Variants in CMTM7 observed in about 807,000 individuals in gnomAD.
CMTM7 encodes the protein CKLF like MARVEL transmembrane domain containing 7.
A neutral mutation model predicts 19.3 loss-of-function variants in CMTM7; 7 were observed. That is an observed-to-expected ratio of 0.36 (90% CI 0.21 to 0.68). CMTM7 has a LOEUF of 0.68. Among genes scored for constraint, CMTM7 ranks in the 30% least tolerant of loss-of-function variants. CMTM7 has a pLI of 0.60. For synonymous variants in CMTM7, 87 were observed against 99.3 expected, an observed-to-expected ratio of 0.88 and a Z score of 0.74; for missense variants, 193 against 232.6, an observed-to-expected ratio of 0.83 and a Z score of 1.11.
chr3:32,451,817 G>A, intron 3 of CMTM7: 1 of 333,556 alleles, frequency 3.0e-6, no homozygotes, highest in Non-Finnish European at 5.8e-6. Context: ...CTTGAGCGCT[G>A]GATGACCCTG....
intron 1 of CMTM7, among the ~76,000 whole-genome samples, chr3:32,430,703 G>GTGTGTGTGTGTGTGTC (rs937810270): frequency 2.7e-5 from 4 of 150,862 alleles, no homozygotes; most frequent in African/African-American, 9.8e-5. Flanking sequence ...GTGTGTGTGT[G>GTGTGTGTGTGTGTGTC]TGTGTGTGTG....
At chr3:32,415,213 T>A (rs11927858) in intron 1 of CMTM7, among the ~76,000 whole-genome samples, 4,549 of 151,762 alleles carry the variant, frequency 0.03, 239 homozygotes, top group African/African-American at 0.1. Context: ...ATAATAATAA[T>A]AATAAACTTT....
chr3:32,410,589 T>C (rs1696157041), intron 1 of CMTM7, among the ~76,000 whole-genome samples: 1 of 151,910 alleles, frequency 6.6e-6, no homozygotes. Flanking sequence ...GGGGCACATA[T>C]CTTCAAGCCT....
intron 4 of CMTM7, among the ~76,000 whole-genome samples, chr3:32,453,278 AAAAAT>A (rs992713795): frequency 6.6e-6 from 1 of 152,086 alleles, no homozygotes; most frequent in Admixed American, 6.5e-5. Flanking sequence ...CCGTCTCTTA[AAAAAT>A]AAAATAAAAT....
At chr3:32,405,312 A>C (rs1696076281) in intron 1 of CMTM7, among the ~76,000 whole-genome samples, 1 of 152,222 alleles carries the variant, frequency 6.6e-6, no homozygotes, top group Non-Finnish European at 1.5e-5. Flanking sequence ...CAGTCACAAA[A>C]GCCTTTTTAT....
intron 1 of CMTM7, among the ~76,000 whole-genome samples, chr3:32,430,681 A>ATGTGTATGTGTGTGTGTGTGTGTGTG (rs1696503588): frequency 7.5e-6 from 1 of 133,932 alleles, no homozygotes; most frequent in African/African-American, 2.8e-5. Flanking sequence ...CTACATCTGA[A>ATGTGTATGTGTGTGTGTGTGTGTGTG]TGTGTGTGTG....
intron 1 of CMTM7, among the ~76,000 whole-genome samples, chr3:32,403,211 G>A (rs563564107): frequency 6.6e-6 from 1 of 151,964 alleles, no homozygotes; most frequent in Non-Finnish European, 1.5e-5. Context: ...TTTGCTTTTT[G>A]TTGTTCTTGT....
intron 1 of CMTM7, among the ~76,000 whole-genome samples, chr3:32,423,521 G>T (rs1696377712): frequency 6.6e-6 from 1 of 152,150 alleles, no homozygotes; most frequent in East Asian, 1.9e-4. Flanking sequence ...CTACTGGGAA[G>T]CCAAAACCAA....
chr3:32,450,260 A>G (rs1696811196), intron 3 of CMTM7, among the ~76,000 whole-genome samples: 1 of 152,202 alleles, frequency 6.6e-6, no homozygotes, highest in South Asian at 2.1e-4. Flanking sequence ...CAAGATTTTA[A>G]AAATGAGTTT....
chr3:32,426,344 G>C (rs1414461412), intron 1 of CMTM7, among the ~76,000 whole-genome samples: 1 of 151,934 alleles, frequency 6.6e-6, no homozygotes, highest in East Asian at 1.9e-4. Context: ...TTTATGTCAT[G>C]AATATTTTCC....
At chr3:32,427,294 G>A (rs1448931734) in intron 1 of CMTM7, among the ~76,000 whole-genome samples, 1 of 152,212 alleles carries the variant, frequency 6.6e-6, no homozygotes, top group Non-Finnish European at 1.5e-5. Flanking sequence ...GGACAAACAC[G>A]TAGTGAGTTC....
chr3:32,406,655 G>C (rs891878779), intron 1 of CMTM7, among the ~76,000 whole-genome samples: 5 of 152,170 alleles, frequency 3.3e-5, no homozygotes, highest in Admixed American at 2.6e-4. Context: ...CCCAAGGTTC[G>C]TTACAGGGAG....
At chr3:32,438,896 A>T (rs1476804921) in intron 1 of CMTM7, among the ~76,000 whole-genome samples, 1 of 152,216 alleles carries the variant, frequency 6.6e-6, no homozygotes, top group Non-Finnish European at 1.5e-5. Context: ...GAGTTGGAAA[A>T]TTATTTTAAT....
chr3:32,440,104 C>T (rs977779748), intron 1 of CMTM7, among the ~76,000 whole-genome samples: 10 of 147,640 alleles, frequency 6.8e-5, no homozygotes, highest in African/African-American at 1.3e-4. Context: ...CACACACACA[C>T]ACTTTAAGAC....
chr3:32,452,211 G>T (rs946757761), intron 3 of CMTM7, 181 bp from the exon 4 acceptor site: 5 of 1,505,396 alleles, frequency 3.3e-6, no homozygotes, highest in Non-Finnish European at 4.4e-6. Flanking sequence ...CAGTGGCTGG[G>T]CCTCGCGGGG....
In CMTM7 at chr3:32,454,200, C is replaced by T. The variant is rs767393915; in HGVS notation, c.515-41C>T. On this transcript the variant is annotated intron_variant, in intron 4 of 4. Transcript: ENST00000334983. ...TGGAGTGTGGCTTGTGGGTGGGCCA[C>T]ATCCCTGGCAAGCTGTCCTGACTGC... 13 of 1,565,404 alleles carry T rather than the reference C, an allele frequency of 8.3e-6. No homozygotes were observed. In the East Asian group the frequency reaches 2.7e-4, roughly 33 times the overall value.
chr3:32,434,211 T>C (rs1401064525), intron 1 of CMTM7, among the ~76,000 whole-genome samples: 4 of 152,080 alleles, frequency 2.6e-5, no homozygotes, highest in Non-Finnish European at 4.4e-5. Flanking sequence ...ACAATAATAA[T>C]ACAAAAATAA....
chr3:32,430,198 C>G (rs1696494929), intron 1 of CMTM7, among the ~76,000 whole-genome samples: 1 of 152,180 alleles, frequency 6.6e-6, no homozygotes, highest in Non-Finnish European at 1.5e-5. Flanking sequence ...CTGTCACACC[C>G]CCCCCAAAAG....
chr3:32,444,782 G>A (rs746255439), intron 2 of CMTM7, among the ~76,000 whole-genome samples: 3 of 152,038 alleles, frequency 2.0e-5, no homozygotes, highest in African/African-American at 4.8e-5. Flanking sequence ...ACAGGTTCTT[G>A]CTCTGTTACC....
Sources: gnomAD v4.1 joint callset for allele counts (sites outside exome capture counted in the v4.1 genomes callset) on GRCh38, gnomAD v4.1.1 for gene constraint, MANE v1.5 for transcripts, NCBI Gene and HGNC (gene_info 2026-07-23, HGNC 2026-07-21) for gene names.